Variants in CNTN5 observed in about 807,000 individuals in gnomAD.
CNTN5 encodes contactin-5.
A neutral mutation model predicts 129.1 loss-of-function variants in CNTN5; 77 were observed. The observed-to-expected ratio is 0.60, with a 90% CI of 0.50 to 0.72. CNTN5 has a LOEUF of 0.72. Ranked by LOEUF, CNTN5 falls within the 30% of genes least tolerant of loss-of-function variation. The pLI, the probability that CNTN5 is intolerant of heterozygous loss-of-function variation, is 0.00. For synonymous variants in CNTN5, 509 were observed against 465.6 expected (o/e 1.09, Z -1.20); for missense variants, 1,478 against 1,328.8 (o/e 1.11, Z -1.75).
In CNTN5 at chr11:100,184,304, T is replaced by C. The variant is rs147917889; in HGVS notation, c.1581-6822T>C. Among the ~76,000 whole-genome samples the C allele has an allele frequency of 3.7e-3, 560 of 152,326 alleles. 16 individuals carry two copies. The highest frequency in any genetic ancestry group is 0.032 in the Admixed American group (484 of 15,286). On this transcript the variant is annotated intron_variant, in intron 13 of 24. Coordinates refer to ENST00000524871, the MANE Select transcript of CNTN5 (RefSeq NM_014361.4). Reference sequence around the variant, plus strand: ...ATTTAGGAAGGAGATTAAGAAACTTTGCTTAAGATCACACATAGAGTAGTC... The same window carrying C: ...ATTTAGGAAGGAGATTAAGAAACTTCGCTTAAGATCACACATAGAGTAGTC...
intron 1 of CNTN5, among the ~76,000 whole-genome samples, chr11:99,273,615 C>T (rs1424615487): frequency 3.3e-5 from 5 of 151,560 alleles, no homozygotes; most frequent in East Asian, 1.9e-4. Context: ...CTCTGTATCT[C>T]GGCTGGTTTG....
intron 1 of CNTN5, among the ~76,000 whole-genome samples, chr11:99,241,317 G>GT (rs1565430527): frequency 2.3e-4 from 14 of 60,104 alleles, no homozygotes; most frequent in East Asian, 1.2e-3. Flanking sequence ...TTTGATTGTT[G>GT]GTTTTTTTTT....
intron 4 of CNTN5, among the ~76,000 whole-genome samples, chr11:99,826,599 A>T (rs1439212280): frequency 1.3e-5 from 2 of 152,234 alleles, no homozygotes; most frequent in Non-Finnish European, 2.9e-5. Flanking sequence ...AATATATTGC[A>T]TGTGTAGAAG....
intron 3 of CNTN5, among the ~76,000 whole-genome samples, chr11:99,616,715 A>AT (rs1950770543): frequency 6.6e-6 from 1 of 152,152 alleles, no homozygotes; most frequent in South Asian, 2.1e-4. Context: ...AAACTGATAT[A>AT]GATGATGATA....
intron 1 of CNTN5, among the ~76,000 whole-genome samples, chr11:99,219,777 A>G (rs4754595): frequency 0.11 from 16,840 of 151,908 alleles, 1,366 homozygotes; most frequent in East Asian, 0.4. Flanking sequence ...GGTAGAGGGT[A>G]TGGGGAAAGG....
chr11:99,108,978 C>CA (rs1857648699), intron 1 of CNTN5, among the ~76,000 whole-genome samples: 1 of 151,190 alleles, frequency 6.6e-6, no homozygotes, highest in African/African-American at 2.4e-5. Context: ...CATATATATA[C>CA]AAAAAAGGCT....
chr11:100,157,948 ATAAAATTTT>A (rs1345956570), intron 13 of CNTN5, among the ~76,000 whole-genome samples: 1 of 151,874 alleles, frequency 6.6e-6, no homozygotes, highest in Admixed American at 6.6e-5. Flanking sequence ...AAAAGTAAAC[ATAAAATTTT>A]TAAACATGAT....
At chr11:99,352,433 A>G (rs750499978) in intron 2 of CNTN5, among the ~76,000 whole-genome samples, 8 of 152,148 alleles carry the variant, frequency 5.3e-5, no homozygotes, top group Non-Finnish European at 1.0e-4. Context: ...CTTGGCTCTT[A>G]TAATTTACAT....
chr11:99,802,373 A>C (rs934652762), intron 3 of CNTN5, among the ~76,000 whole-genome samples: 1 of 152,110 alleles, frequency 6.6e-6, no homozygotes, highest in African/African-American at 2.4e-5. Context: ...GGTAGGGGGA[A>C]AGATGTGCTT....
intron 3 of CNTN5, among the ~76,000 whole-genome samples, chr11:99,796,919 A>C (rs1479252962): frequency 6.6e-6 from 1 of 151,994 alleles, no homozygotes; most frequent in Non-Finnish European, 1.5e-5. Context: ...CCAGGATTCC[A>C]GGGGTCAGTT....
chr11:99,380,768 C>CAAAAAAAAAAAAA (rs769229566), intron 2 of CNTN5, among the ~76,000 whole-genome samples: 8 of 102,384 alleles, frequency 7.8e-5, no homozygotes, highest in South Asian at 3.7e-4. Flanking sequence ...AACTCTATCT[C>CAAAAAAAAAAAAA]AAAAAAAAAA....
chr11:99,923,753 GTCTGTCTA>G (rs202134859), intron 7 of CNTN5, among the ~76,000 whole-genome samples: 1,509 of 116,292 alleles, frequency 0.013, 14 homozygotes, highest in African/African-American at 0.031. Flanking sequence ...TAATCTATCT[GTCTGTCTA>G]TCTATCTATC....
chr11:99,133,480 T>G (rs1859050229), intron 1 of CNTN5, among the ~76,000 whole-genome samples: 1 of 151,700 alleles, frequency 6.6e-6, no homozygotes, highest in African/African-American at 2.4e-5. Context: ...ACCTACAGAT[T>G]GGGAGAAAAT....
At chr11:100,089,890 G>A (rs531290926) in intron 13 of CNTN5, among the ~76,000 whole-genome samples, 78 of 152,198 alleles carry the variant, frequency 5.1e-4, no homozygotes, top group African/African-American at 1.6e-3. Flanking sequence ...ACTGGAGTGG[G>A]TTGGGGAGTA....
At chr11:99,653,775 G>T (rs1952244769) in intron 3 of CNTN5, among the ~76,000 whole-genome samples, 2 of 152,032 alleles carry the variant, frequency 1.3e-5, no homozygotes, top group Non-Finnish European at 2.9e-5. Context: ...TTTCTCATCA[G>T]ATCTTTGCTA....
intron 2 of CNTN5, among the ~76,000 whole-genome samples, chr11:99,530,949 T>C (rs180944884): frequency 6.6e-6 from 1 of 152,302 alleles, no homozygotes; most frequent in African/African-American, 2.4e-5. Flanking sequence ...TACAATAAAT[T>C]GATACCAGTA....
chr11:99,867,099 G>C (rs763605004), intron 6 of CNTN5, among the ~76,000 whole-genome samples: 1 of 152,190 alleles, frequency 6.6e-6, no homozygotes, highest in Non-Finnish European at 1.5e-5. Flanking sequence ...GTCTTGATCT[G>C]AGTGACTTCA....
intron 3 of CNTN5, among the ~76,000 whole-genome samples, chr11:99,817,807 C>T (rs1444956145): frequency 2.6e-5 from 4 of 151,796 alleles, no homozygotes; most frequent in African/African-American, 9.7e-5. Context: ...TTTATGTCTA[C>T]CCATAATCTG....
chr11:99,249,939 G>A (rs1252409260), intron 1 of CNTN5, among the ~76,000 whole-genome samples: 1 of 151,894 alleles, frequency 6.6e-6, no homozygotes, highest in Non-Finnish European at 1.5e-5. Flanking sequence ...TAGTAGACAA[G>A]ACATCCTGAG....
Sources: allele counts gnomAD v4.1 joint callset (sites outside exome capture counted in the v4.1 genomes callset), GRCh38; gene constraint gnomAD v4.1.1; transcripts MANE v1.5; gene names NCBI Gene and HGNC (gene_info 2026-07-23, HGNC 2026-07-21).